Variants in FBLN1 observed in about 807,000 individuals in gnomAD.
The protein encoded by FBLN1 is fibulin 1.
In FBLN1, 34 loss-of-function variants were observed where a neutral mutation model predicts 89.7. The ratio of observed to expected loss-of-function variants is 0.38; its 90% confidence interval spans 0.29 to 0.50. FBLN1 has a LOEUF of 0.50. Among genes scored for constraint, FBLN1 ranks in the 20% least tolerant of loss-of-function variants. The pLI, the probability that FBLN1 is intolerant of heterozygous loss-of-function variation, is 0.92. For synonymous variants in FBLN1, 393 were observed against 391.3 expected, an observed-to-expected ratio of 1.00 and a Z score of -0.05; for missense variants, 777 against 988.1, an observed-to-expected ratio of 0.79 and a Z score of 2.86.
chr22:45,548,872 C>T (rs1007475230), intron 13 of FBLN1, 128 bp downstream of exon 13: 1 of 1,450,854 alleles, frequency 6.9e-7, no homozygotes, highest in African/African-American at 1.4e-5. Flanking sequence ...GGAATGCATT[C>T]AGGAAAAGGA....
rs1025497074 is a variant in FBLN1, at chr22:45,576,619, G to C, written c.1841-358G>C. ...AGCCCACCCCTCTGGCCTTTCTGCT[G>C]TCTCCCTCTGTCCCCTCACTCGCTT... On this transcript the variant is annotated intron_variant, in intron 15 of 16. Transcript: ENST00000327858. This position sits in a 1 kb window ranked among gnomAD's most constrained non-coding sequence, Gnocchi z 5.2. Among the ~76,000 whole-genome samples, 1 of 152,020 alleles carries C rather than the reference G, an allele frequency of 6.6e-6. No homozygotes were observed. The highest frequency in any genetic ancestry group is 2.4e-5 in the African/African-American group (1 of 41,368).
In FBLN1 at chr22:45,590,840, G is replaced by C. The variant is rs2089130380; in HGVS notation, c.1973-9467G>C. ...GGGAGGAAGGGAAGTGGGTTTAAGG[G>C]AGGAGGGTAGGTCAGTGTTTGGCGT... On this transcript the variant is annotated intron_variant, in intron 16 of 16. Transcript: ENST00000327858. This position sits in a 1 kb window ranked among gnomAD's most constrained non-coding sequence, Gnocchi z 4.1. 6.6e-6 allele frequency among the ~76,000 whole-genome samples: 1 copy of C among 152,090 alleles called. No individual in the cohort carries two copies. The highest frequency in any genetic ancestry group is 1.5e-5 in the Non-Finnish European group (1 of 68,020).
chr22:45,551,940 G>C (rs143077316), intron 14 of FBLN1, among the ~76,000 whole-genome samples: 12 of 152,360 alleles, frequency 7.9e-5, no homozygotes, highest in African/African-American at 2.9e-4. Flanking sequence ...AAGAGGGGGA[G>C]GCTGCCCTGC....
chr22:45,554,122 G>A (rs564582846), intron 14 of FBLN1, among the ~76,000 whole-genome samples: 2 of 152,378 alleles, frequency 1.3e-5, no homozygotes, highest in South Asian at 4.1e-4. Flanking sequence ...TCCTCAATGG[G>A]CGTCTGTCTT....
rs572967447 is a variant in FBLN1, at chr22:45,590,422, A to G, written c.1973-9885A>G. Among the ~76,000 whole-genome samples, 65 of 152,296 alleles carry G rather than the reference A, an allele frequency of 4.3e-4. No individual in the cohort carries two copies. Among genetic ancestry groups the G allele is most frequent in the Middle Eastern group, 3.4e-3 (1 of 294 alleles). On this transcript the variant is annotated intron_variant, in intron 16 of 16. Transcript: ENST00000327858. The surrounding 1 kb of genome is among the most constrained non-coding windows in gnomAD (Gnocchi z 4.1). ...GCAAGGGGTTCAGTGTGGCTGGGGCAGTGTGCTGAGAGCTGGGCTGGACGG... is the reference window on the plus strand; with the variant it reads ...GCAAGGGGTTCAGTGTGGCTGGGGCGGTGTGCTGAGAGCTGGGCTGGACGG...
At chr22:45,591,706 G>A (rs1272383799) in intron 16 of FBLN1, among the ~76,000 whole-genome samples, 1 of 152,148 alleles carries the variant, frequency 6.6e-6, no homozygotes, top group Non-Finnish European at 1.5e-5. Flanking sequence ...CTTCTGATGC[G>A]ATTCTCTCTA....
In FBLN1 at chr22:45,583,787, TGAGA is replaced by T. The variant is rs534450255; in HGVS notation, c.1972+6690_1972+6693del. On this transcript the variant is annotated intron_variant, in intron 16 of 16. Transcript: ENST00000327858. This position sits in a 1 kb window ranked among gnomAD's most constrained non-coding sequence, Gnocchi z 4.5. ...ATGGGAAGGGGAAGCGCCTGCAGCA[TGAGA>T]GAGAGAGAGAATGAGAGAGAGAGAC... 6.6e-6 allele frequency among the ~76,000 whole-genome samples: 1 copy of T among 151,040 alleles called. No individual in the cohort carries two copies. The highest frequency in any genetic ancestry group is 2.4e-5 in the African/African-American group (1 of 41,064).
rs1602157497 is a variant in FBLN1 at position 45,508,348 on chromosome 22, GC to G, written c.79+5286del. Among the ~76,000 whole-genome samples, 17 of 143,540 alleles carry G rather than the reference GC, an allele frequency of 1.2e-4. No individual in the cohort carries two copies. In the South Asian group the frequency reaches 3.7e-3, roughly 31 times the overall value. The allele number at this position is 143,540 out of a possible 152,430, so 94.2% of individuals were successfully genotyped here. A position where few individuals can be genotyped will look rare whatever the true frequency, so the allele number is the denominator to read the frequency against. ...GTGATCTTGGCTCACTGCAACCTCTGCCTCCCAGGTTCAAGCAATCCTCCTG... is the reference window on the plus strand; with the variant it reads ...GTGATCTTGGCTCACTGCAACCTCTGCTCCCAGGTTCAAGCAATCCTCCTG... On this transcript the variant is annotated intron_variant, in intron 1 of 16. Coordinates refer to ENST00000327858, the MANE Select transcript of FBLN1 (RefSeq NM_006486.3).
In FBLN1 at chr22:45,562,818, G is replaced by C. The variant is rs908339668; in HGVS notation, c.1698-11693G>C. Reference sequence around the variant, plus strand: ...GGCCAGAGGGGCGGCGGGAGGCCCCGCCTGCCAGCCCCGCATCCCCGCGCT... The same window carrying C: ...GGCCAGAGGGGCGGCGGGAGGCCCCCCCTGCCAGCCCCGCATCCCCGCGCT... On this transcript the variant is annotated intron_variant, in intron 14 of 16. Transcript: ENST00000327858. This position sits in a 1 kb window ranked among gnomAD's most constrained non-coding sequence, Gnocchi z 7.8. The C allele has an allele frequency of 2.3e-6, 3 of 1,277,290 alleles. No individual in the cohort carries two copies. Among genetic ancestry groups the C allele is most frequent in the Non-Finnish European group, 3.4e-6 (3 of 886,398 alleles). 79.1% of individuals were successfully genotyped at this position (1,277,290 alleles called of 1,614,324 possible).
chr22:45,595,462 A>G (rs2146669016), intron 16 of FBLN1, among the ~76,000 whole-genome samples: 1 of 152,278 alleles, frequency 6.6e-6, no homozygotes, highest in East Asian at 1.9e-4. Flanking sequence ...ACCATCAGTG[A>G]TTCAGCCTAG....
intron 16 of FBLN1, among the ~76,000 whole-genome samples, chr22:45,594,613 G>A (rs912719599): frequency 2.0e-5 from 3 of 152,038 alleles, no homozygotes; most frequent in African/African-American, 7.2e-5. Flanking sequence ...TGGGTGTGTG[G>A]GTGGATGGAC....
rs746239379 is a variant in FBLN1, at chr22:45,577,156, A to C, written c.1972+48A>C. 1.2e-5 allele frequency: 19 copies of C among 1,604,574 alleles called. No homozygotes were observed. Among genetic ancestry groups the C allele is most frequent in the Non-Finnish European group, 1.5e-5 (18 of 1,174,976 alleles). ...TCTATCCAGGCACCCCTCCCCCTCC[A>C]CCCCGAAACCCTCTCTGGCCCAGCC... On this transcript the variant is annotated intron_variant, in intron 16 of 16. Coordinates refer to ENST00000327858, the MANE Select transcript of FBLN1 (RefSeq NM_006486.3). The surrounding 1 kb of genome is among the most constrained non-coding windows in gnomAD (Gnocchi z 6.6).
chr22:45,565,392 C>T (rs1439510857), intron 14 of FBLN1: 1 of 825,772 alleles, frequency 1.2e-6, no homozygotes, highest in Non-Finnish European at 1.6e-6. Context: ...GGAGGCTTGC[C>T]CTTCCCTGAA....
intron 14 of FBLN1, among the ~76,000 whole-genome samples, chr22:45,551,535 C>A (rs1054948372): frequency 2.0e-5 from 3 of 152,256 alleles, no homozygotes; most frequent in Non-Finnish European, 2.9e-5. Flanking sequence ...TTGTCCCTGG[C>A]AGCCCTCCAT....
chr22:45,589,722 T>G (rs1329223424), intron 16 of FBLN1, among the ~76,000 whole-genome samples: 1 of 152,124 alleles, frequency 6.6e-6, no homozygotes, highest in African/African-American at 2.4e-5. Flanking sequence ...ATGACTGGCC[T>G]GCCCTCTCAT....
In FBLN1 at chr22:45,530,416, T is replaced by G. The variant is rs955554926; in HGVS notation, c.485-849T>G. ...CGCATGCTCCCTCCTCTGGGAGGGC[T>G]TCCTGTCTTCACAGCCGCACCTTCC... On this transcript the variant is annotated intron_variant, in intron 4 of 16. Transcript: ENST00000327858. This position sits in a 1 kb window ranked among gnomAD's most constrained non-coding sequence, Gnocchi z 5.4. 5.9e-5 allele frequency among the ~76,000 whole-genome samples: 9 copies of G among 152,094 alleles called. No individual in the cohort carries two copies. The highest frequency in any genetic ancestry group is 1.0e-4 in the Non-Finnish European group (7 of 68,010).
rs111384894 is a variant in FBLN1 at position 45,561,557 on chromosome 22, A to G, written c.1697+10942A>G. Among the ~76,000 whole-genome samples, 11,074 of 152,234 alleles carry G rather than the reference A, an allele frequency of 0.073. 1,366 individuals are homozygous for G. The highest frequency in any genetic ancestry group is 0.25 in the African/African-American group (10,420 of 41,468). On this transcript the variant is annotated intron_variant, in intron 14 of 16. Coordinates refer to ENST00000327858, the MANE Select transcript of FBLN1 (RefSeq NM_006486.3). This position sits in a 1 kb window ranked among gnomAD's most constrained non-coding sequence, Gnocchi z 4.7. ...GACTATCAGTGTTCTCCATACTATTAGAAGTGGAGTCCTTAGCATTTTTGG... is the reference window on the plus strand; with the variant it reads ...GACTATCAGTGTTCTCCATACTATTGGAAGTGGAGTCCTTAGCATTTTTGG...
chr22:45,574,657 A>G lies in FBLN1; in HGVS notation c.1840+4A>G. 2.5e-6 allele frequency: 4 copies of G among 1,605,992 alleles called. No homozygotes were observed. In the South Asian group the frequency reaches 4.4e-5, roughly 18 times the overall value. On this transcript the variant is annotated splice_donor_region_variant and intron_variant, in intron 15 of 16. Coordinates refer to ENST00000327858, the MANE Select transcript of FBLN1 (RefSeq NM_006486.3). This position sits in a 1 kb window ranked among gnomAD's most constrained non-coding sequence, Gnocchi z 4.1. Reference sequence around the variant, plus strand: ...CGCGAGTTCACCCGCCCTGAAGGTGAGTGGGATGGGTGTGGGGGTCCCAGG... The same window carrying G: ...CGCGAGTTCACCCGCCCTGAAGGTGGGTGGGATGGGTGTGGGGGTCCCAGG...
chr22:45,531,333 C>T lies in FBLN1; in HGVS notation c.544+9C>T, dbSNP rs774864162. ...GAATGACCGCTGCCGAGGTGAGACT[C>T]GGGCGTCTCCCATCAGTTGGTATTT... On this transcript the variant is annotated intron_variant, in intron 5 of 16. Transcript: ENST00000327858. The surrounding 1 kb of genome is among the most constrained non-coding windows in gnomAD (Gnocchi z 4.9). 2.2e-5 allele frequency: 35 copies of T among 1,613,108 alleles called. No individual in the cohort carries two copies. Among genetic ancestry groups the T allele is most frequent in the Middle Eastern group, 1.7e-4 (1 of 6,060 alleles).
Sources: gnomAD v4.1 joint callset for allele counts (sites outside exome capture counted in the v4.1 genomes callset) on GRCh38, gnomAD v4.1.1 for gene constraint, Gnocchi (gnomAD v3.1) non-coding constraint, MANE v1.5 for transcripts, NCBI Gene and HGNC (gene_info 2026-07-23, HGNC 2026-07-21) for gene names.